SPNS2: variants seen among roughly 807,000 people sequenced by gnomAD.
SPNS2 encodes the protein SPNS lysolipid transporter 2, sphingosine-1-phosphate, also known as sphingosine-1-phosphate transporter SPNS2.
A neutral mutation model predicts 57.6 loss-of-function variants in SPNS2; 37 were observed. The observed-to-expected ratio is 0.64, with a 90% CI of 0.49 to 0.85. The LOEUF is 0.85. Among genes scored for constraint, SPNS2 ranks in the 40% least tolerant of loss-of-function variants. The pLI is 0.00. For missense variants in SPNS2, 831 were observed against 779.1 expected (o/e 1.07, Z -0.79); for synonymous variants, 440 against 346.9 (o/e 1.27, Z -2.98).
At position 4,511,820 on chromosome 17, in the gene SPNS2, T is replaced by C. The variant is rs184761937; in HGVS notation, c.371-1427T>C. 6.6e-6 allele frequency among the ~76,000 whole-genome samples: 1 copy of C among 152,302 alleles called. No homozygotes were observed. The highest frequency in any genetic ancestry group is 6.5e-5 in the Admixed American group (1 of 15,300). On this transcript the variant is annotated intron_variant, in intron 1 of 12. Coordinates refer to ENST00000329078, the MANE Select transcript of SPNS2 (RefSeq NM_001124758.3). This position sits in a 1 kb window ranked among gnomAD's most constrained non-coding sequence, Gnocchi z 4.6. ...CCGTCTGTCCTGCATTCCGGGAAATTGCTCAGGATTCCAACCTGGGTCTCG... is the reference window on the plus strand; with the variant it reads ...CCGTCTGTCCTGCATTCCGGGAAATCGCTCAGGATTCCAACCTGGGTCTCG...
Position 4,538,227 on chromosome 17 carries a change from G to C in SPNS2, c.*779G>C, listed in dbSNP as rs545736314. 9.7e-6 allele frequency: 2 copies of C among 205,482 alleles called. No homozygotes were observed. Among genetic ancestry groups the C allele is most frequent in the African/African-American group, 2.3e-5 (1 of 43,372 alleles). The allele number at this position is 205,482 out of a possible 1,614,324, so 12.7% of individuals were successfully genotyped here. A position where few individuals can be genotyped will look rare whatever the true frequency, so the allele number is the denominator to read the frequency against. ...GTGCACACCAGCCCAACTCTGCAGGGCTTCTCTCCCTGCCACCACCCCCCA... is the reference window on the plus strand; with the variant it reads ...GTGCACACCAGCCCAACTCTGCAGGCCTTCTCTCCCTGCCACCACCCCCCA... On this transcript the variant is annotated 3_prime_UTR_variant, in exon 13 of 13. Transcript: ENST00000329078.
At chr17:4,536,651 T>C in intron 11 of SPNS2, 1 of 670,886 alleles carries the variant, frequency 1.5e-6, no homozygotes, top group Non-Finnish European at 2.5e-6. Context: ...GGTTTGTCTC[T>C]GGACTTAGTG....
chr17:4,533,188 CAGCCTTAGCCCTG>C, intron 7 of SPNS2, 42 bp from the exon 8 acceptor site: 1 of 1,580,628 alleles, frequency 6.3e-7, no homozygotes, highest in African/African-American at 1.3e-5. Flanking sequence ...GAGAGCCCCT[CAGCCTTAGCCCTG>C]AGCCGCCTCA....
rs199904911 is a variant in SPNS2 at position 4,533,140 on chromosome 17, G to A, written c.1088+11G>A. On this transcript the variant is annotated intron_variant, in intron 7 of 12. Transcript: ENST00000329078. The stretch of plus-strand genomic sequence containing the variant: ...TGGGGCCAAGGACAGGTGGGGCCCC[G>A]CGGGGTGGGCCCAGGGCTGGTGAGG... The A allele has an allele frequency of 2.8e-3, 4,520 of 1,601,708 alleles. 16 individuals are homozygous for A. The highest frequency in any genetic ancestry group is 0.015 in the Middle Eastern group (88 of 6,030).
At chr17:4,518,255 T>C (rs903360241) in intron 2 of SPNS2, among the ~76,000 whole-genome samples, 11 of 152,202 alleles carry the variant, frequency 7.2e-5, no homozygotes, top group Non-Finnish European at 1.6e-4. Context: ...CCGGGCGCGG[T>C]GGCTCACGCC....
At chr17:4,537,323 A>G (rs1905903129) in intron 12 of SPNS2, 130 bp from the exon 13 acceptor site, 1 of 410,362 alleles carries the variant, frequency 2.4e-6, no homozygotes, top group Non-Finnish European at 4.7e-6. Context: ...GCAGCACGAG[A>G]CCCAGGGTCA....
Position 4,510,966 on chromosome 17 carries a change from T to A in SPNS2, c.371-2281T>A, listed in dbSNP as rs571939366. Among the ~76,000 whole-genome samples, 2 of 152,358 alleles carry A rather than the reference T, an allele frequency of 1.3e-5. No homozygotes were observed. The highest frequency in any genetic ancestry group is 4.1e-4 in the South Asian group (2 of 4,828). On this transcript the variant is annotated intron_variant, in intron 1 of 12. Coordinates refer to ENST00000329078, the MANE Select transcript of SPNS2 (RefSeq NM_001124758.3). This position sits in a 1 kb window ranked among gnomAD's most constrained non-coding sequence, Gnocchi z 4.4. ...ATGTACTGTGTGACAAATTACTTCA[T>A]GTCTCAGAGCCTCGGTTTCTTCCTA... is the stretch of plus-strand genomic sequence containing the variant.
intron 1 of SPNS2, among the ~76,000 whole-genome samples, chr17:4,505,171 C>A (rs1904640684): frequency 6.6e-6 from 1 of 152,174 alleles, no homozygotes; most frequent in South Asian, 2.1e-4. Context: ...AGTCACCATC[C>A]CCCTCTAGCC....
rs1904811415 is a variant in SPNS2 at position 4,510,830 on chromosome 17, T to C, written c.371-2417T>C. On this transcript the variant is annotated intron_variant, in intron 1 of 12. Transcript: ENST00000329078. This position sits in a 1 kb window ranked among gnomAD's most constrained non-coding sequence, Gnocchi z 4.4. ...GTGTAAAGTCCCTGTGGGTTATGTG[T>C]GTGCTGGGCCCTGGAGGACACCAGC... Among the ~76,000 whole-genome samples the C allele has an allele frequency of 6.6e-6, 1 of 152,182 alleles. No homozygotes were observed. The highest frequency in any genetic ancestry group is 1.5e-5 in the Non-Finnish European group (1 of 68,020).
chr17:4,537,359 G>A (rs1567598840), intron 12 of SPNS2, 94 bp from the exon 13 acceptor site: 1 of 396,248 alleles, frequency 2.5e-6, no homozygotes, highest in Non-Finnish European at 5.0e-6. Flanking sequence ...GAGAAGGCTT[G>A]CGTCTCCAAA....
chr17:4,504,610 C>G (rs1904624647), intron 1 of SPNS2, among the ~76,000 whole-genome samples: 1 of 152,210 alleles, frequency 6.6e-6, no homozygotes. Flanking sequence ...TTCCCCAGAA[C>G]CTTCTGCAAT....
At chr17:4,522,856 G>C (rs1905173242) in intron 2 of SPNS2, among the ~76,000 whole-genome samples, 1 of 152,246 alleles carries the variant, frequency 6.6e-6, no homozygotes, top group African/African-American at 2.4e-5. Flanking sequence ...CCCATCACTG[G>C]CAGTGGCCTC....
intron 3 of SPNS2, among the ~76,000 whole-genome samples, chr17:4,527,373 A>C (rs1207199999): frequency 6.6e-6 from 1 of 152,256 alleles, no homozygotes; most frequent in African/African-American, 2.4e-5. Context: ...GTGGGGATTT[A>C]GTGTAGGATG....
intron 3 of SPNS2, among the ~76,000 whole-genome samples, chr17:4,528,579 C>G (rs755521201): frequency 6.6e-6 from 1 of 151,930 alleles, no homozygotes. Flanking sequence ...CAGGTTCAAG[C>G]GATTCTCCTG....
intron 12 of SPNS2, 107 bp downstream of exon 12, chr17:4,537,053 A>G: frequency 8.3e-7 from 1 of 1,208,022 alleles, no homozygotes; most frequent in Non-Finnish European, 1.2e-6. Context: ...ACCCCAGCAC[A>G]TCCCACCAAC....
chr17:4,506,092 G>T (rs1904669694), intron 1 of SPNS2, among the ~76,000 whole-genome samples: 2 of 152,148 alleles, frequency 1.3e-5, no homozygotes, highest in East Asian at 3.9e-4. Context: ...TTTGTGGGGA[G>T]TTGTCGGGGT....
chr17:4,520,302 T>G (rs953277240), intron 2 of SPNS2, among the ~76,000 whole-genome samples: 8 of 151,964 alleles, frequency 5.3e-5, no homozygotes, highest in African/African-American at 1.9e-4. Context: ...CCCATCTAAG[T>G]GAGGAGCCAG....
At chr17:4,525,772 T>C (rs143661258) in intron 3 of SPNS2, among the ~76,000 whole-genome samples, 4 of 152,312 alleles carry the variant, frequency 2.6e-5, no homozygotes, top group Non-Finnish European at 5.9e-5. Context: ...TCCTCATCTT[T>C]AAAATGGGGA....
At chr17:4,504,532 GGT>G (rs1217110898) in intron 1 of SPNS2, among the ~76,000 whole-genome samples, 3 of 152,266 alleles carry the variant, frequency 2.0e-5, no homozygotes, top group African/African-American at 7.2e-5. Flanking sequence ...CAGGTCTGCA[GGT>G]GATAGCCTGT....
Sources: allele counts gnomAD v4.1 joint callset (sites outside exome capture counted in the v4.1 genomes callset), GRCh38; gene constraint gnomAD v4.1.1; non-coding constraint Gnocchi (gnomAD v3.1); transcripts MANE v1.5; gene names NCBI Gene and HGNC (gene_info 2026-07-23, HGNC 2026-07-21).